Variants in IFNGR2 observed in about 807,000 individuals in gnomAD.
The protein encoded by IFNGR2 is interferon gamma receptor 2.
In IFNGR2, 15 loss-of-function variants were observed where a neutral mutation model predicts 41.1. The ratio of observed to expected loss-of-function variants is 0.37; its 90% CI spans 0.24 to 0.56. The LOEUF is 0.56. Ranked by LOEUF, IFNGR2 falls within the 20% of genes least tolerant of loss-of-function variation. IFNGR2 has a pLI of 0.81. For synonymous variants in IFNGR2, 161 were observed against 171.6 expected, an observed-to-expected ratio of 0.94 and a Z score of 0.48; for missense variants, 362 against 415.7, an observed-to-expected ratio of 0.87 and a Z score of 1.12.
chr21:33,417,900 A>G (rs1344892471), intron 2 of IFNGR2, among the ~76,000 whole-genome samples: 1 of 151,950 alleles, frequency 6.6e-6, no homozygotes, highest in Admixed American at 6.6e-5. Flanking sequence ...ACGTTATTGC[A>G]TTAAAAAAAA....
chr21:33,434,650 G>T (rs887681421), intron 6 of IFNGR2, among the ~76,000 whole-genome samples: 6 of 152,154 alleles, frequency 3.9e-5, no homozygotes, highest in Non-Finnish European at 8.8e-5. Context: ...GGTTAGATAA[G>T]GTCCAAGTCT....
chr21:33,423,780 C>T (rs2083814315), intron 3 of IFNGR2, among the ~76,000 whole-genome samples: 1 of 151,350 alleles, frequency 6.6e-6, no homozygotes, highest in Admixed American at 6.6e-5. Context: ...ATCGCTTGAG[C>T]TCAGGAGTTC....
chr21:33,420,766 G>A (rs1750637285), intron 2 of IFNGR2, among the ~76,000 whole-genome samples: 1 of 152,164 alleles, frequency 6.6e-6, no homozygotes, highest in African/African-American at 2.4e-5. Flanking sequence ...AAAAACCACA[G>A]CTGGGCACAA....
At chr21:33,428,096 G>A (rs1432127515) in intron 4 of IFNGR2, among the ~76,000 whole-genome samples, 1 of 151,932 alleles carries the variant, frequency 6.6e-6, no homozygotes, top group African/African-American at 2.4e-5. Flanking sequence ...CTTGCCTCAG[G>A]TCAGCAGCGA....
At chr21:33,412,386 T>G (rs2083723614) in intron 1 of IFNGR2, among the ~76,000 whole-genome samples, 1 of 152,212 alleles carries the variant, frequency 6.6e-6, no homozygotes, top group African/African-American at 2.4e-5. Context: ...TTGGGTTATG[T>G]GCCTATGTGT....
intron 4 of IFNGR2, among the ~76,000 whole-genome samples, chr21:33,427,888 C>A (rs2083853424): frequency 7.9e-6 from 1 of 126,670 alleles, no homozygotes; most frequent in South Asian, 2.5e-4. Context: ...GCTCTTGATG[C>A]CCAGCTAGTT....
At chr21:33,433,764 G>A (rs1239338065) in intron 6 of IFNGR2, among the ~76,000 whole-genome samples, 1 of 150,674 alleles carries the variant, frequency 6.6e-6, no homozygotes, top group African/African-American at 2.5e-5. Flanking sequence ...TACATTTTAT[G>A]TTATGTGTAT....
intron 4 of IFNGR2, among the ~76,000 whole-genome samples, chr21:33,430,713 A>G (rs2083878557): frequency 6.6e-6 from 1 of 152,182 alleles, no homozygotes; most frequent in Non-Finnish European, 1.5e-5. Flanking sequence ...TCAGCCTCCC[A>G]AAGTGCTGGA....
In IFNGR2 at chr21:33,427,844, C is replaced by CTTTTT. The variant is rs71194844; in HGVS notation, c.561+828_561+832dup. On this transcript the variant is annotated intron_variant, in intron 4 of 6. Coordinates refer to ENST00000290219, the MANE Select transcript of IFNGR2 (RefSeq NM_005534.4). ...TTTTAGATACTTCATCTCATTTCAT[C>CTTTTT]TTTTTTTTTTTTTTTTTTTTGAGCT... Among the ~76,000 whole-genome samples the CTTTTT allele has an allele frequency of 6.3e-4, 79 of 125,482 alleles. 2 individuals carry two copies. The highest frequency in any genetic ancestry group is 4.2e-3 in the Middle Eastern group (1 of 238). The allele number at this position is 125,482 out of a possible 152,430, so 82.3% of individuals were successfully genotyped here. A position where few individuals can be genotyped will look rare whatever the true frequency, so the allele number is the denominator to read the frequency against.
chr21:33,413,871 C>T (rs2083733992), intron 1 of IFNGR2, among the ~76,000 whole-genome samples: 1 of 115,624 alleles, frequency 8.6e-6, no homozygotes, highest in Non-Finnish European at 1.6e-5. Flanking sequence ...CTCTCTCTGT[C>T]GCCCAGACTG....
At chr21:33,407,071 T>A (rs1023555970) in intron 1 of IFNGR2, among the ~76,000 whole-genome samples, 1 of 152,062 alleles carries the variant, frequency 6.6e-6, no homozygotes, top group Admixed American at 6.6e-5. Flanking sequence ...AGTGGCCGTT[T>A]GCGCTAGATA....
chr21:33,419,907 T>TGGA (rs934105050), intron 2 of IFNGR2, among the ~76,000 whole-genome samples: 2 of 152,224 alleles, frequency 1.3e-5, no homozygotes, highest in African/African-American at 4.8e-5. Flanking sequence ...ATGTTGCTCT[T>TGGA]GGAGGAGGAG....
intron 4 of IFNGR2, among the ~76,000 whole-genome samples, chr21:33,427,589 G>A (rs1267192463): frequency 2.0e-5 from 3 of 152,172 alleles, no homozygotes; most frequent in Admixed American, 6.6e-5. Context: ...AGGTGCTCAC[G>A]TTGACAGAGG....
At chr21:33,407,073 C>T (rs1400531179) in intron 1 of IFNGR2, among the ~76,000 whole-genome samples, 1 of 151,878 alleles carries the variant, frequency 6.6e-6, no homozygotes, top group Non-Finnish European at 1.5e-5. Flanking sequence ...TGGCCGTTTG[C>T]GCTAGATAGA....
chr21:33,434,259 C>T (rs753294501), intron 6 of IFNGR2, among the ~76,000 whole-genome samples: 3 of 152,202 alleles, frequency 2.0e-5, no homozygotes, highest in Admixed American at 2.0e-4. Context: ...CAGTGACCCA[C>T]ACCTGTAATC....
chr21:33,404,319 C>G (rs142797107), intron 1 of IFNGR2, among the ~76,000 whole-genome samples: 149 of 152,352 alleles, frequency 9.8e-4, no homozygotes, highest in African/African-American at 3.5e-3. Context: ...GGTGTGAAAT[C>G]TAGACAGTTC....
chr21:33,410,952 C>A, intron 1 of IFNGR2: 1 of 1,142,500 alleles, frequency 8.8e-7, no homozygotes, highest in Non-Finnish European at 1.3e-6. Flanking sequence ...ACCACTGCTC[C>A]TTCTCCCCAG....
rs371142559 is a variant in IFNGR2, at chr21:33,421,440, C to T, written c.207-40C>T. On this transcript the variant is annotated intron_variant, in intron 2 of 6. Coordinates refer to ENST00000290219, the MANE Select transcript of IFNGR2 (RefSeq NM_005534.4). ...TCTGGGGAAACTATTACACATGAAACAGAGAATTCTGTGAATTGAAATCCT... is the reference window on the plus strand; with the variant it reads ...TCTGGGGAAACTATTACACATGAAATAGAGAATTCTGTGAATTGAAATCCT... 3.3e-6 allele frequency: 5 copies of T among 1,514,802 alleles called. No individual in the cohort carries two copies. In the African/African-American group the frequency reaches 5.5e-5, roughly 17 times the overall value. 93.8% of individuals were successfully genotyped at this position (1,514,802 alleles called of 1,614,324 possible).
In IFNGR2 at chr21:33,420,844, C is replaced by T. The variant is rs121913194; in HGVS notation, c.207-636C>T. Reference sequence around the variant, plus strand: ...GGAGGATTACTTGAGTCTAGGAGTTCAAGACCAGCCTGGGCAACAAGGAGA... The same window carrying T: ...GGAGGATTACTTGAGTCTAGGAGTTTAAGACCAGCCTGGGCAACAAGGAGA... On this transcript the variant is annotated intron_variant, in intron 2 of 6. Transcript: ENST00000290219. Among the ~76,000 whole-genome samples the T allele has an allele frequency of 2.7e-4, 41 of 150,042 alleles. No homozygotes were observed. The highest frequency in any genetic ancestry group is 9.8e-4 in the African/African-American group (40 of 40,712).
Sources: gnomAD v4.1 joint callset for allele counts (sites outside exome capture counted in the v4.1 genomes callset) on GRCh38, gnomAD v4.1.1 for gene constraint, MANE v1.5 for transcripts, NCBI Gene and HGNC (gene_info 2026-07-23, HGNC 2026-07-21) for gene names.